Variants in SUMF1 observed in about 807,000 individuals in gnomAD.
The protein encoded by SUMF1 is sulfatase modifying factor 1.
In SUMF1, 48 loss-of-function variants were observed where a neutral mutation model predicts 47.6. The ratio of observed to expected loss-of-function variants is 1.01; its 90% CI spans 0.80 to 1.28. The LOEUF (loss-of-function observed/expected upper bound fraction) is 1.28. Among genes scored for constraint, SUMF1 ranks in the 50% most tolerant of loss-of-function variants. The probability of loss-of-function intolerance (pLI) is 0.00; values close to 1 mark genes in which losing one functional copy is unlikely to be tolerated. For missense variants in SUMF1, 571 were observed against 485.4 expected, an observed-to-expected ratio of 1.18 and a Z score of -1.66; for synonymous variants, 230 against 192.1, an observed-to-expected ratio of 1.20 and a Z score of -1.63.
chr3:4,313,693 G>C, intron 8 of SUMF1: 1 of 1,614,042 alleles, frequency 6.2e-7, no homozygotes, highest in Non-Finnish European at 8.5e-7. Flanking sequence ...TTGTGGAAAT[G>C]AGAAGGAACC....
chr3:4,187,101 G>A (rs1216777636), intron 8 of SUMF1, among the ~76,000 whole-genome samples: 1 of 152,176 alleles, frequency 6.6e-6, no homozygotes, highest in East Asian at 1.9e-4. Context: ...CAGGCACAAT[G>A]GCTCATGCCT....
At chr3:4,195,259 T>C (rs1695403530) in intron 8 of SUMF1, among the ~76,000 whole-genome samples, 1 of 152,126 alleles carries the variant, frequency 6.6e-6, no homozygotes, top group Non-Finnish European at 1.5e-5. Flanking sequence ...ATTCTGGCAG[T>C]GGTGTTAGGA....
At chr3:4,070,463 ATTCT>A (rs1288825130) in intron 8 of SUMF1, among the ~76,000 whole-genome samples, 7 of 152,192 alleles carry the variant, frequency 4.6e-5, no homozygotes, top group Admixed American at 2.0e-4. Context: ...GCATGAAGTC[ATTCT>A]TTCTAAGAGA....
At chr3:4,407,617 C>G (rs1022169714) in intron 7 of SUMF1, among the ~76,000 whole-genome samples, 3 of 152,152 alleles carry the variant, frequency 2.0e-5, no homozygotes, top group Non-Finnish European at 4.4e-5. Flanking sequence ...ACTAGAGATA[C>G]ACAGTCCATT....
intron 6 of SUMF1, among the ~76,000 whole-genome samples, chr3:4,416,636 C>T (rs1479544483): frequency 2.6e-5 from 4 of 152,220 alleles, no homozygotes; most frequent in South Asian, 2.1e-4. Flanking sequence ...GTTAGTTAAC[C>T]TCTCTGTGCC....
intron 8 of SUMF1, among the ~76,000 whole-genome samples, chr3:4,256,490 C>G (rs1696956813): frequency 6.8e-6 from 1 of 146,520 alleles, no homozygotes; most frequent in African/African-American, 2.5e-5. Flanking sequence ...ACAAACACCT[C>G]TATGCAAATA....
intron 8 of SUMF1, among the ~76,000 whole-genome samples, chr3:4,118,873 C>T (rs1420894076): frequency 1.3e-5 from 2 of 152,058 alleles, no homozygotes; most frequent in Non-Finnish European, 2.9e-5. Flanking sequence ...TATTCTTTTA[C>T]TCTACACACT....
intron 8 of SUMF1, among the ~76,000 whole-genome samples, chr3:4,134,806 C>T (rs1470824699): frequency 6.6e-6 from 1 of 152,128 alleles, no homozygotes; most frequent in East Asian, 1.9e-4. Flanking sequence ...ACCGATCCCA[C>T]AGAAATACAA....
chr3:4,055,575 T>G (rs1235301048), intron 9 of SUMF1, among the ~76,000 whole-genome samples: 2 of 152,140 alleles, frequency 1.3e-5, no homozygotes, highest in African/African-American at 4.8e-5. Context: ...CTTGAACTCC[T>G]GAACTCAAGT....
chr3:4,273,740 TAC>T (rs1697352286), intron 8 of SUMF1, among the ~76,000 whole-genome samples: 6 of 36,942 alleles, frequency 1.6e-4, no homozygotes, highest in East Asian at 5.1e-4. Flanking sequence ...GGAGGGAGGA[TAC>T]GGGAGGGAGG....
At chr3:4,147,649 T>C (rs900355821) in intron 8 of SUMF1, among the ~76,000 whole-genome samples, 1 of 152,148 alleles carries the variant, frequency 6.6e-6, no homozygotes, top group Non-Finnish European at 1.5e-5. Context: ...AAAATTATTT[T>C]AGAAAATAAA....
At chr3:4,057,907 C>T (rs923404888) in intron 9 of SUMF1, among the ~76,000 whole-genome samples, 8 of 152,074 alleles carry the variant, frequency 5.3e-5, no homozygotes, top group African/African-American at 1.7e-4. Context: ...CTGCTTTTTT[C>T]TCTGTCTCTA....
At chr3:4,399,891 G>C (rs1262181753) in intron 7 of SUMF1, among the ~76,000 whole-genome samples, 1 of 152,132 alleles carries the variant, frequency 6.6e-6, no homozygotes, top group Non-Finnish European at 1.5e-5. Context: ...CCAAGTAGCT[G>C]GGACTACAGG....
At chr3:4,227,799 A>T (rs1326443056) in intron 8 of SUMF1, among the ~76,000 whole-genome samples, 1 of 152,170 alleles carries the variant, frequency 6.6e-6, no homozygotes, top group Non-Finnish European at 1.5e-5. Flanking sequence ...AGAGCCAGTC[A>T]TGCTTGAGGT....
intron 7 of SUMF1, among the ~76,000 whole-genome samples, chr3:4,397,875 G>T (rs1197300404): frequency 6.6e-6 from 1 of 151,978 alleles, no homozygotes; most frequent in Non-Finnish European, 1.5e-5. Flanking sequence ...TTCATTACAC[G>T]TAAAACATAA....
intron 8 of SUMF1, among the ~76,000 whole-genome samples, chr3:4,272,295 C>T (rs890121013): frequency 2.0e-5 from 3 of 152,208 alleles, no homozygotes; most frequent in African/African-American, 7.2e-5. Context: ...GAGGAAAACG[C>T]AGAGGCTGGG....
chr3:4,449,381 A>G, intron 2 of SUMF1, 41 bp from the exon 3 acceptor site: 1 of 1,599,236 alleles, frequency 6.3e-7, no homozygotes, highest in Non-Finnish European at 8.6e-7. Flanking sequence ...AAAAGGTTGT[A>G]GTAATGTGTT....
chr3:4,128,961 G>A (rs979035795), intron 8 of SUMF1, among the ~76,000 whole-genome samples: 2 of 152,050 alleles, frequency 1.3e-5, no homozygotes, highest in Non-Finnish European at 1.5e-5. Context: ...GAGTGAATTG[G>A]GAATGCCTGA....
At chr3:4,085,528 C>T (rs1692653453) in intron 8 of SUMF1, among the ~76,000 whole-genome samples, 1 of 152,060 alleles carries the variant, frequency 6.6e-6, no homozygotes, top group Non-Finnish European at 1.5e-5. Context: ...GCAAGAGATA[C>T]CCACATGTCT....
Sources: allele counts gnomAD v4.1 joint callset (sites outside exome capture counted in the v4.1 genomes callset), GRCh38; gene constraint gnomAD v4.1.1; transcripts MANE v1.5; gene names NCBI Gene and HGNC (gene_info 2026-07-23, HGNC 2026-07-21).